PCDH9: variants seen among roughly 807,000 people sequenced by gnomAD.
PCDH9 encodes the protein protocadherin-9.
Under a neutral mutation model 70.6 loss-of-function variants are expected in PCDH9, and 24 were observed. That is an observed-to-expected ratio of 0.34 (90% CI 0.25 to 0.48). The LOEUF is 0.48. PCDH9 is among the 20% of genes least tolerant of loss of function. PCDH9 has a pLI of 0.99. For synonymous variants in PCDH9, 562 were observed against 558.5 expected (o/e 1.01, Z -0.09); for missense variants, 1,281 against 1,503.6 (o/e 0.85, Z 2.45).
chr13:66,744,058 T>C lies in PCDH9; in HGVS notation c.3139-112647A>G, dbSNP rs144886767. On this transcript the variant is annotated intron_variant, in intron 3 of 4. Coordinates refer to ENST00000377865, the MANE Select transcript of PCDH9 (RefSeq NM_203487.3). ...CCAGAAGGTGTCCAACAAGGTTACT[T>C]GTATTATTCATGTGCTATTTAAAAT... is the stretch of plus-strand genomic sequence containing the variant. Among the ~76,000 whole-genome samples the C allele has an allele frequency of 3.4e-3, 513 of 152,278 alleles. 2 individuals are homozygous for C. The highest frequency in any genetic ancestry group is 0.012 in the African/African-American group (497 of 41,550).
At chr13:66,784,087 T>A (rs566276251) in intron 3 of PCDH9, among the ~76,000 whole-genome samples, 1 of 152,240 alleles carries the variant, frequency 6.6e-6, no homozygotes, top group East Asian at 1.9e-4. Flanking sequence ...AGCATAGAAA[T>A]TTATCACAAA....
At chr13:67,133,079 C>T (rs1006141062) in intron 2 of PCDH9, among the ~76,000 whole-genome samples, 5 of 152,094 alleles carry the variant, frequency 3.3e-5, no homozygotes, top group African/African-American at 1.2e-4. Flanking sequence ...AGCACTTTGC[C>T]ACTCCTAGAC....
intron 3 of PCDH9, among the ~76,000 whole-genome samples, chr13:66,871,496 G>A (rs2081685173): frequency 6.6e-6 from 1 of 151,980 alleles, no homozygotes; most frequent in Admixed American, 6.6e-5. Flanking sequence ...AGGAGAAATT[G>A]AACATAAAGC....
rs1209441619 is a variant in PCDH9 at position 67,133,834 on chromosome 13, CG to C, written c.3036+91570del. Reference sequence around the variant, plus strand: ...TAATCAAAATCAATGTTAGAATGAGCGGCTGTTTCATGCACTAATTTAGATT... The same window carrying C: ...TAATCAAAATCAATGTTAGAATGAGCGCTGTTTCATGCACTAATTTAGATT... On this transcript the variant is annotated intron_variant, in intron 2 of 4. Transcript: ENST00000377865. 5.3e-5 allele frequency among the ~76,000 whole-genome samples: 8 copies of C among 152,118 alleles called. No homozygotes were observed. The East Asian group carries it at 1.2e-3, about 22-fold the overall frequency.
chr13:67,134,801 A>G (rs1463244253), intron 2 of PCDH9, among the ~76,000 whole-genome samples: 1 of 152,124 alleles, frequency 6.6e-6, no homozygotes, highest in East Asian at 1.9e-4. Context: ...GGCATCTGGC[A>G]TGAGTAAAAC....
chr13:66,903,878 T>C (rs1393920724), intron 2 of PCDH9, among the ~76,000 whole-genome samples: 1 of 152,054 alleles, frequency 6.6e-6, no homozygotes, highest in Non-Finnish European at 1.5e-5. Context: ...TATTTATTTA[T>C]TACATTTATG....
chr13:67,103,243 AGT>A (rs2086468574), intron 2 of PCDH9, among the ~76,000 whole-genome samples: 1 of 152,288 alleles, frequency 6.6e-6, no homozygotes, highest in Non-Finnish European at 1.5e-5. Flanking sequence ...ATATTATTAA[AGT>A]TAAAATATCA....
intron 3 of PCDH9, among the ~76,000 whole-genome samples, chr13:66,745,011 A>T (rs1469279390): frequency 6.6e-6 from 1 of 152,148 alleles, no homozygotes; most frequent in Non-Finnish European, 1.5e-5. Context: ...GCCTGGATTC[A>T]AATTCAGTCT....
chr13:66,835,309 T>C (rs977288949), intron 3 of PCDH9, among the ~76,000 whole-genome samples: 2 of 152,220 alleles, frequency 1.3e-5, no homozygotes, highest in Non-Finnish European at 2.9e-5. Context: ...CTTGTTGACA[T>C]AATCGAGCTC....
chr13:66,652,678 G>C (rs573491086), intron 3 of PCDH9, among the ~76,000 whole-genome samples: 5 of 151,586 alleles, frequency 3.3e-5, no homozygotes, highest in Non-Finnish European at 7.4e-5. Flanking sequence ...AACCAATCCT[G>C]AGCAAAAATA....
At chr13:66,930,696 G>A (rs1251468901) in intron 2 of PCDH9, among the ~76,000 whole-genome samples, 5 of 151,942 alleles carry the variant, frequency 3.3e-5, no homozygotes, top group Admixed American at 2.6e-4. Context: ...ATACAAGAAT[G>A]TATTTTGCAC....
intron 4 of PCDH9, among the ~76,000 whole-genome samples, chr13:66,319,016 G>A (rs1025086238): frequency 2.0e-5 from 3 of 152,130 alleles, no homozygotes; most frequent in Admixed American, 6.5e-5. Context: ...AGAACTGCCC[G>A]AGACTGGGTA....
At chr13:66,646,854 G>GCA (rs1257457259) in intron 3 of PCDH9, among the ~76,000 whole-genome samples, 2 of 152,202 alleles carry the variant, frequency 1.3e-5, no homozygotes, top group Non-Finnish European at 2.9e-5. Context: ...CCATGCCCCA[G>GCA]CAGTGGCTTT....
rs79213694 is a variant in PCDH9 at position 66,474,737 on chromosome 13, C to G, written c.3340+156473G>C. Among the ~76,000 whole-genome samples, 700 of 152,118 alleles carry G rather than the reference C, an allele frequency of 4.6e-3. 29 individuals carry two copies. The East Asian group carries it at 0.088, about 19-fold the overall frequency. On this transcript the variant is annotated intron_variant, in intron 4 of 4. Coordinates refer to ENST00000377865, the MANE Select transcript of PCDH9 (RefSeq NM_203487.3). ...TAAATGGGGTTGATATGTCCTGGCTCTTACCACTATCACTGAGTCATCAAG... is the reference window on the plus strand; with the variant it reads ...TAAATGGGGTTGATATGTCCTGGCTGTTACCACTATCACTGAGTCATCAAG...
chr13:67,087,282 ACT>A (rs1555305642), intron 2 of PCDH9, among the ~76,000 whole-genome samples: 1 of 151,542 alleles, frequency 6.6e-6, no homozygotes, highest in Non-Finnish European at 1.5e-5. Context: ...TGTGCTAAAA[ACT>A]CTCACTAGTC....
At position 66,730,207 on chromosome 13, in the gene PCDH9, T is replaced by C. The variant is rs534492088; in HGVS notation, c.3139-98796A>G. The stretch of plus-strand genomic sequence containing the variant: ...TTTCATATCCTGGAATCTTTCTTTT[T>C]CTTCTTTTATTTCCACTTTTCTTTT... On this transcript the variant is annotated intron_variant, in intron 3 of 4. Coordinates refer to ENST00000377865, the MANE Select transcript of PCDH9 (RefSeq NM_203487.3). Among the ~76,000 whole-genome samples, 100 of 152,286 alleles carry C rather than the reference T, an allele frequency of 6.6e-4. 2 individuals are homozygous for C. In the South Asian group the frequency reaches 0.02, roughly 30 times the overall value.
chr13:66,819,602 G>A (rs536643337), intron 3 of PCDH9, among the ~76,000 whole-genome samples: 3 of 152,276 alleles, frequency 2.0e-5, no homozygotes, highest in Non-Finnish European at 4.4e-5. Flanking sequence ...TTTGAAATAT[G>A]CTTTTGACCA....
chr13:66,736,597 T>G (rs2079152578), intron 3 of PCDH9, among the ~76,000 whole-genome samples: 1 of 150,594 alleles, frequency 6.6e-6, no homozygotes. Flanking sequence ...GAATATAGCC[T>G]TCTAATAAAA....
intron 2 of PCDH9, chr13:66,915,173 C>T (rs2082537403): frequency 6.6e-6 from 1 of 151,302 alleles, no homozygotes; most frequent in South Asian, 2.1e-4. Flanking sequence ...TAGCAATCCA[C>T]TTTGAAATGA....
Sources: allele counts gnomAD v4.1 joint callset (sites outside exome capture counted in the v4.1 genomes callset), GRCh38; gene constraint gnomAD v4.1.1; transcripts MANE v1.5; gene names NCBI Gene and HGNC (gene_info 2026-07-23, HGNC 2026-07-21).